RANBP2: variants seen among roughly 807,000 people sequenced by gnomAD.
RANBP2 encodes the protein RAN binding protein 2.
Under a neutral mutation model 303.6 loss-of-function variants are expected in RANBP2, and 57 were observed. The observed-to-expected ratio is 0.19, with a 90% CI of 0.15 to 0.23. RANBP2 has a LOEUF of 0.23. Among genes scored for constraint, RANBP2 ranks in the 10% least tolerant of loss-of-function variants. RANBP2 has a pLI of 1.00. For missense variants in RANBP2, 3,138 were observed against 3,780.8 expected (o/e 0.83, Z 4.46); for synonymous variants, 1,167 against 1,301.5 (o/e 0.90, Z 2.23).
the RANBP2 span, among the ~76,000 whole-genome samples, chr2:109,224,963 C>T: frequency 6.6e-6 from 1 of 152,138 alleles, no homozygotes; most frequent in African/African-American, 2.4e-5. Flanking sequence ...GCAGCATAAC[C>T]TTATCTTTTT....
rs199671543 is a variant in RANBP2, at chr2:108,766,399, A to C, written c.5860A>C (p.Thr1954Pro). Residue 1954 changes from threonine to proline, a missense_variant, in exon 20 of 29, where the codon ACT becomes CCT. Physicochemically the swap from Thr to Pro is conservative, Grantham distance 38. This residue lies in a region of RANBP2 where 348 missense variants were observed against 360.4 expected (regional missense o/e 0.97). Transcript: ENST00000283195. ...TFTFADLAKS[T>P]SGEGFQFGKK... ...TACATTTGCAGATCTTGCAAAATCA[A>C]CTTCAGGAGAAGGATTTCAGTTTGG... 1 of 1,611,976 alleles carries C rather than the reference A, an allele frequency of 6.2e-7. No homozygotes were observed. Among genetic ancestry groups the C allele is most frequent in the South Asian group, 1.1e-5 (1 of 90,998 alleles).
At chr2:109,408,705 A>AT in the RANBP2 span, among the ~76,000 whole-genome samples, 11 of 152,320 alleles carry the variant, frequency 7.2e-5, no homozygotes, top group African/African-American at 2.2e-4. Flanking sequence ...GAACAAAAGG[A>AT]TTTTTCAAAG....
the RANBP2 span, among the ~76,000 whole-genome samples, chr2:108,889,167 A>G: frequency 6.6e-6 from 1 of 152,012 alleles, no homozygotes; most frequent in South Asian, 2.1e-4. Context: ...AAAATACTTG[A>G]TATGATTGTG....
chr2:109,007,667 C>T, the RANBP2 span, among the ~76,000 whole-genome samples: 2 of 152,172 alleles, frequency 1.3e-5, no homozygotes, highest in African/African-American at 2.4e-5. Context: ...GGAGAGTAAT[C>T]TTCAGAAGCA....
chr2:109,237,810 C>G, the RANBP2 span, among the ~76,000 whole-genome samples: 1 of 152,138 alleles, frequency 6.6e-6, no homozygotes, highest in Non-Finnish European at 1.5e-5. Context: ...CAAATACTTT[C>G]TACACAAAGT....
At chr2:109,129,983 C>T in the RANBP2 span, 15 of 1,300,548 alleles carry the variant, frequency 1.2e-5, no homozygotes, top group Admixed American at 2.1e-4. Context: ...GCGGCCCCCA[C>T]GCTCGCGGGC....
At chr2:109,425,212 A>C in the RANBP2 span, among the ~76,000 whole-genome samples, 1 of 152,230 alleles carries the variant, frequency 6.6e-6, no homozygotes, top group African/African-American at 2.4e-5. Flanking sequence ...CTAAAGGAGG[A>C]AAGTTTGAAG....
rs1677847140 is a variant in RANBP2, at chr2:108,775,841, A to C, written c.8402A>C (p.Lys2801Thr). The C allele has an allele frequency of 6.2e-7, 1 of 1,613,794 alleles. No homozygotes were observed. Among genetic ancestry groups the C allele is most frequent in the African/African-American group, 1.3e-5 (1 of 75,034 alleles). ...CKSEEPDSIT[K>T]SISSPSVSSE... ...TCTGAAGAACCTGATTCTATTACCAAATCCATTAGTTCACCATCTGTTTCC... is the reference window on the plus strand; with the variant it reads ...TCTGAAGAACCTGATTCTATTACCACATCCATTAGTTCACCATCTGTTTCC... The change falls in exon 24 of 29, where the codon AAA (lysine) becomes ACA (threonine). Residue 2801 changes from lysine to threonine, a missense_variant. By Grantham distance (78) the Lys-to-Thr change is moderately conservative. This residue lies in a region of RANBP2 where 497 missense variants were observed against 465.8 expected (regional missense o/e 1.07). Transcript: ENST00000283195.
chr2:109,676,175 C>G, the RANBP2 span, among the ~76,000 whole-genome samples: 32 of 152,336 alleles, frequency 2.1e-4, no homozygotes, highest in Admixed American at 1.8e-3. Context: ...TCTTCCAGCC[C>G]CATACCCATG....
the RANBP2 span, chr2:109,567,810 C>A: frequency 6.3e-7 from 1 of 1,574,914 alleles, no homozygotes; most frequent in Non-Finnish European, 8.6e-7. Flanking sequence ...CAATCAGGAG[C>A]TCACATTCAT....
the RANBP2 span, among the ~76,000 whole-genome samples, chr2:109,538,567 A>G: frequency 2.6e-5 from 4 of 152,228 alleles, no homozygotes; most frequent in Non-Finnish European, 5.9e-5. Flanking sequence ...TCCAGGCCAG[A>G]GTGCAGTGGC....
At chr2:108,924,524 A>C in the RANBP2 span, among the ~76,000 whole-genome samples, 1 of 152,184 alleles carries the variant, frequency 6.6e-6, no homozygotes, top group African/African-American at 2.4e-5. Context: ...ATGAGAAGGA[A>C]TATTTCCATG....
At chr2:109,248,072 C>A in the RANBP2 span, among the ~76,000 whole-genome samples, 1 of 152,216 alleles carries the variant, frequency 6.6e-6, no homozygotes, top group African/African-American at 2.4e-5. Flanking sequence ...ATCCAGGGAA[C>A]ATGAATCAAT....
At chr2:108,946,957 C>T in the RANBP2 span, among the ~76,000 whole-genome samples, 1 of 152,118 alleles carries the variant, frequency 6.6e-6, no homozygotes, top group African/African-American at 2.4e-5. Context: ...GTCTTACTGA[C>T]TCCAGCATTA....
At chr2:109,647,460 C>G in the RANBP2 span, among the ~76,000 whole-genome samples, 1 of 151,320 alleles carries the variant, frequency 6.6e-6, no homozygotes, top group Non-Finnish European at 1.5e-5. Context: ...CCACACCCGG[C>G]CCTCTCCTCA....
the RANBP2 span, among the ~76,000 whole-genome samples, chr2:109,644,465 A>G: frequency 6.6e-6 from 1 of 152,192 alleles, no homozygotes; most frequent in Non-Finnish European, 1.5e-5. Flanking sequence ...ATGGCCTCTT[A>G]TCAGATCACT....
At chr2:108,892,745 C>A in the RANBP2 span, among the ~76,000 whole-genome samples, 1 of 152,138 alleles carries the variant, frequency 6.6e-6, no homozygotes, top group African/African-American at 2.4e-5. Context: ...TCTTATTCAC[C>A]CTTTCCCTGA....
At chr2:109,760,400 G>GGGCGGCGGC in the RANBP2 span, 103 of 715,918 alleles carry the variant, frequency 1.4e-4, no homozygotes, top group East Asian at 1.5e-3. Context: ...GGCGGGGCGG[G>GGGCGGCGGC]GGCGGCGGCG....
chr2:109,056,923 T>C, the RANBP2 span, among the ~76,000 whole-genome samples: 1 of 152,228 alleles, frequency 6.6e-6, no homozygotes, highest in Non-Finnish European at 1.5e-5. Flanking sequence ...TTCAATATTA[T>C]TCCTGAAGTT....
Sources: gnomAD v4.1 joint callset for allele counts (sites outside exome capture counted in the v4.1 genomes callset) on GRCh38, gnomAD v4.1.1 for gene constraint, gnomAD v4.1.1 regional missense constraint, MANE v1.5 for transcripts, NCBI Gene and HGNC (gene_info 2026-07-23, HGNC 2026-07-21) for gene names.